The following MACROD2 variants were observed in gnomAD, a reference collection of about 807,000 sequenced individuals.
MACROD2 encodes mono-ADP ribosylhydrolase 2, also known as ADP-ribose glycohydrolase MACROD2.
A neutral mutation model predicts 70.4 loss-of-function variants in MACROD2; 36 were observed. The ratio of observed to expected loss-of-function variants is 0.51; its 90% CI spans 0.39 to 0.68. The LOEUF is 0.68. Among genes scored for constraint, MACROD2 ranks in the 30% least tolerant of loss-of-function variants. The pLI is 0.00. For missense variants in MACROD2, 496 were observed against 538.4 expected, an observed-to-expected ratio of 0.92 and a Z score of 0.78; for synonymous variants, 172 against 178.8, an observed-to-expected ratio of 0.96 and a Z score of 0.30.
rs56655287 is a variant in MACROD2, at chr20:15,606,275, C to T, written c.645+106428C>T. Among the ~76,000 whole-genome samples the T allele has an allele frequency of 4.7e-3, 714 of 152,302 alleles. 5 individuals carry two copies. Among genetic ancestry groups the T allele is most frequent in the African/African-American group, 0.017 (687 of 41,554 alleles). On this transcript the variant is annotated intron_variant, in intron 8 of 17. Coordinates refer to ENST00000684519, the MANE Select transcript of MACROD2 (RefSeq NM_001351661.2). ...GATGGCCCCACTCTCGACTCGACTT[C>T]TCTAGGCAAATCTAACCATCCCTGA...
intron 15 of MACROD2, among the ~76,000 whole-genome samples, chr20:15,997,522 A>G (rs73235834): frequency 0.052 from 7,872 of 152,222 alleles, 463 homozygotes; most frequent in African/African-American, 0.14. Flanking sequence ...GTGTATAGAA[A>G]TGCACCTGAT....
At chr20:14,342,860 G>A (rs1017026961) in intron 3 of MACROD2, among the ~76,000 whole-genome samples, 4 of 151,960 alleles carry the variant, frequency 2.6e-5, no homozygotes, top group African/African-American at 7.3e-5. Context: ...AATCAGAGTG[G>A]TTATTTCCCT....
At chr20:14,995,130 T>G (rs1341453719) in intron 5 of MACROD2, among the ~76,000 whole-genome samples, 1 of 152,154 alleles carries the variant, frequency 6.6e-6, no homozygotes, top group Non-Finnish European at 1.5e-5. Context: ...AGTAACCAAC[T>G]GTGTACACAA....
chr20:14,321,826 A>G (rs2082663358), intron 3 of MACROD2, among the ~76,000 whole-genome samples: 1 of 152,176 alleles, frequency 6.6e-6, no homozygotes, highest in African/African-American at 2.4e-5. Flanking sequence ...CCTTCCTGTA[A>G]GATAGAGCAC....
chr20:15,430,836 CT>C (rs949394307), intron 6 of MACROD2, among the ~76,000 whole-genome samples: 94 of 151,904 alleles, frequency 6.2e-4, no homozygotes, highest in African/African-American at 2.2e-3. Flanking sequence ...TCACAGAATG[CT>C]TTTGTTGAAT....
intron 4 of MACROD2, among the ~76,000 whole-genome samples, chr20:14,558,759 A>G (rs995154237): frequency 1.4e-4 from 21 of 151,818 alleles, no homozygotes; most frequent in Non-Finnish European, 2.2e-4. Context: ...GTCTTTAATT[A>G]TGGCATAAAC....
At chr20:14,916,316 A>G (rs1254249774) in intron 5 of MACROD2, among the ~76,000 whole-genome samples, 3 of 152,122 alleles carry the variant, frequency 2.0e-5, no homozygotes, top group Admixed American at 2.0e-4. Flanking sequence ...AGGGCTTTAT[A>G]CCCCTAAAGC....
intron 8 of MACROD2, among the ~76,000 whole-genome samples, chr20:15,841,133 C>T (rs2064165396): frequency 6.6e-6 from 1 of 152,140 alleles, no homozygotes; most frequent in Non-Finnish European, 1.5e-5. Flanking sequence ...ACATGCTGGC[C>T]TTGATCATGG....
chr20:15,854,787 GT>G (rs1352614704), intron 8 of MACROD2, among the ~76,000 whole-genome samples: 5 of 152,128 alleles, frequency 3.3e-5, no homozygotes, highest in Admixed American at 6.5e-5. Flanking sequence ...TTATCCCTGA[GT>G]TACTCTGAGT....
intron 2 of MACROD2, among the ~76,000 whole-genome samples, chr20:14,072,925 CT>C (rs2053867363): frequency 1.4e-5 from 2 of 143,120 alleles, no homozygotes; most frequent in Admixed American, 1.4e-4. Context: ...CAGAGCGAGA[CT>C]CCGTCTAGAA....
intron 3 of MACROD2, among the ~76,000 whole-genome samples, chr20:14,456,318 T>A (rs2123001243): frequency 6.6e-6 from 1 of 151,978 alleles, no homozygotes; most frequent in Admixed American, 6.5e-5. Context: ...TAGGAATGCC[T>A]TAATATGGCA....
chr20:14,554,459 T>G (rs1249106116), intron 4 of MACROD2: 1 of 152,136 alleles, frequency 6.6e-6, no homozygotes, highest in Non-Finnish European at 1.5e-5. Context: ...ACCTGGAGAA[T>G]CTGACTTACT....
chr20:15,349,185 T>C (rs1462731169), intron 6 of MACROD2, among the ~76,000 whole-genome samples: 1 of 152,180 alleles, frequency 6.6e-6, no homozygotes, highest in Non-Finnish European at 1.5e-5. Flanking sequence ...TCATGGAATG[T>C]TCGTGTCAAC....
intron 3 of MACROD2, among the ~76,000 whole-genome samples, chr20:14,352,105 A>G (rs1314040458): frequency 6.6e-6 from 1 of 152,178 alleles, no homozygotes; most frequent in Non-Finnish European, 1.5e-5. Context: ...GATCTTTTCA[A>G]TAAGTTGTTT....
intron 7 of MACROD2, among the ~76,000 whole-genome samples, chr20:15,432,195 A>T (rs1404050662): frequency 6.6e-6 from 1 of 152,098 alleles, no homozygotes; most frequent in East Asian, 1.9e-4. Flanking sequence ...CAAAATATGT[A>T]AAAATCTAAC....
At chr20:14,579,388 G>A (rs567224576) in intron 4 of MACROD2, among the ~76,000 whole-genome samples, 1 of 151,694 alleles carries the variant, frequency 6.6e-6, no homozygotes, top group African/African-American at 2.4e-5. Context: ...TGATCCACCC[G>A]CCTCGGCCTC....
intron 4 of MACROD2, among the ~76,000 whole-genome samples, chr20:14,663,523 C>T (rs1162171140): frequency 9.4e-6 from 1 of 105,948 alleles, no homozygotes; most frequent in Admixed American, 1.0e-4. Context: ...GATGTATACA[C>T]ACACACACAC....
Position 16,043,327 on chromosome 20 carries a change from G to A in MACROD2, c.1232-1244G>A, listed in dbSNP as rs143457905. On this transcript the variant is annotated intron_variant, in intron 16 of 17. Coordinates refer to ENST00000684519, the MANE Select transcript of MACROD2 (RefSeq NM_001351661.2). ...AGGGACGCTGACAGTCACTGACCAAGTCCTGACCATTCTGAGTCAATTGCT... is the reference window on the plus strand; with the variant it reads ...AGGGACGCTGACAGTCACTGACCAAATCCTGACCATTCTGAGTCAATTGCT... Among the ~76,000 whole-genome samples, 524 of 152,132 alleles carry A rather than the reference G, an allele frequency of 3.4e-3. 3 individuals carry two copies. Among genetic ancestry groups the A allele is most frequent in the African/African-American group, 0.012 (507 of 41,518 alleles).
chr20:14,056,779 G>A (rs2053635028), intron 2 of MACROD2, among the ~76,000 whole-genome samples: 1 of 151,812 alleles, frequency 6.6e-6, no homozygotes, highest in Non-Finnish European at 1.5e-5. Context: ...CACTGACAAA[G>A]AAGGTGAGTC....
Sources: allele counts gnomAD v4.1 joint callset (sites outside exome capture counted in the v4.1 genomes callset), GRCh38; gene constraint gnomAD v4.1.1; transcripts MANE v1.5; gene names NCBI Gene and HGNC (gene_info 2026-07-23, HGNC 2026-07-21).